MAF: variants seen among roughly 807,000 people sequenced by gnomAD.
MAF encodes MAF bZIP transcription factor.
In MAF, 10 loss-of-function variants were observed where a neutral mutation model predicts 22.0. The ratio of observed to expected loss-of-function variants is 0.45; its 90% CI spans 0.28 to 0.77. MAF has a LOEUF of 0.77. Among genes scored for constraint, MAF ranks in the 30% least tolerant of loss-of-function variants. MAF has a pLI of 0.12. For synonymous variants in MAF, 337 were observed against 255.8 expected, an observed-to-expected ratio of 1.32 and a Z score of -3.03; for missense variants, 544 against 548.4, an observed-to-expected ratio of 0.99 and a Z score of 0.08.
chr16:79,559,826 G>C, the MAF span, among the ~76,000 whole-genome samples: 1 of 152,182 alleles, frequency 6.6e-6, no homozygotes, highest in Admixed American at 6.5e-5. Flanking sequence ...ATAAAACAAA[G>C]CATGGATGCT....
chr16:79,231,329 T>G, the MAF span, among the ~76,000 whole-genome samples: 1 of 152,070 alleles, frequency 6.6e-6, no homozygotes, highest in African/African-American at 2.4e-5. Context: ...GGGGTAAAAC[T>G]GGAAATGAGC....
chr16:79,244,163 G>C, the MAF span, among the ~76,000 whole-genome samples: 2 of 152,028 alleles, frequency 1.3e-5, no homozygotes, highest in African/African-American at 4.8e-5. Flanking sequence ...CACAAGACAA[G>C]GATGACCTCT....
the MAF span, among the ~76,000 whole-genome samples, chr16:79,555,539 A>C: frequency 1.2e-4 from 19 of 152,286 alleles, no homozygotes; most frequent in African/African-American, 4.6e-4. Context: ...TTAACTACAC[A>C]GTGGAAAGAT....
At chr16:79,386,298 A>G in the MAF span, among the ~76,000 whole-genome samples, 6 of 152,204 alleles carry the variant, frequency 3.9e-5, no homozygotes, top group Admixed American at 3.9e-4. Context: ...TCTTCCTGCA[A>G]TTAGTGGGTT....
the MAF span, among the ~76,000 whole-genome samples, chr16:79,489,830 G>C: frequency 2.6e-5 from 4 of 152,178 alleles, no homozygotes; most frequent in Admixed American, 2.0e-4. Context: ...GTGAAACGCA[G>C]CCAGCTTAGC....
At chr16:79,506,601 C>A in the MAF span, among the ~76,000 whole-genome samples, 1 of 152,022 alleles carries the variant, frequency 6.6e-6, no homozygotes, top group Non-Finnish European at 1.5e-5. Context: ...AGAAGAGGGG[C>A]CAGAGAGGAA....
At chr16:79,531,160 G>C in the MAF span, among the ~76,000 whole-genome samples, 1 of 152,204 alleles carries the variant, frequency 6.6e-6, no homozygotes, top group Non-Finnish European at 1.5e-5. Flanking sequence ...TGTTGCTAGA[G>C]CTTGTATAAG....
At chr16:79,467,937 C>T in the MAF span, among the ~76,000 whole-genome samples, 3 of 150,354 alleles carry the variant, frequency 2.0e-5, no homozygotes, top group Non-Finnish European at 4.4e-5. Flanking sequence ...GGGTGGTGGT[C>T]GTGGGGGGGT....
chr16:79,513,422 T>C, the MAF span, among the ~76,000 whole-genome samples: 1 of 152,198 alleles, frequency 6.6e-6, no homozygotes, highest in Non-Finnish European at 1.5e-5. Flanking sequence ...GTCATGAGGA[T>C]TTGAGATAAT....
chr16:79,513,194 C>A, the MAF span, among the ~76,000 whole-genome samples: 2 of 152,258 alleles, frequency 1.3e-5, no homozygotes, highest in African/African-American at 4.8e-5. Context: ...CAGCCCCTTG[C>A]TCCAGGCATC....
chr16:79,598,667 G>A (rs1380095285), intron 1 of MAF, 118 bp downstream of exon 1: 12 of 1,545,144 alleles, frequency 7.8e-6, no homozygotes, highest in Admixed American at 1.9e-5. Context: ...AACTCGGTGG[G>A]GGTGGGGGTG....
At chr16:79,581,853 C>T (rs1170885245), downstream of MAF, among the ~76,000 whole-genome samples, 1 of 152,210 alleles carries the variant, frequency 6.6e-6, no homozygotes, top group African/African-American at 2.4e-5. Flanking sequence ...CCTGAGGTCA[C>T]TGCTCGGTGG....
the MAF span, among the ~76,000 whole-genome samples, chr16:79,465,560 A>C: frequency 6.6e-6 from 1 of 152,214 alleles, no homozygotes; most frequent in Non-Finnish European, 1.5e-5. Context: ...TGATCGCACC[A>C]CCACACTCCA....
chr16:79,427,117 G>A, the MAF span, among the ~76,000 whole-genome samples: 175 of 152,346 alleles, frequency 1.1e-3, no homozygotes, highest in African/African-American at 4.0e-3. Flanking sequence ...ACGTGATAAT[G>A]AGTAGGAAAC....
the MAF span, among the ~76,000 whole-genome samples, chr16:79,523,068 T>C: frequency 6.6e-6 from 1 of 152,194 alleles, no homozygotes; most frequent in Non-Finnish European, 1.5e-5. Context: ...TTTTACCCTC[T>C]AGGTATTTCT....
chr16:79,523,612 C>A, the MAF span, among the ~76,000 whole-genome samples: 3 of 152,108 alleles, frequency 2.0e-5, no homozygotes, highest in Non-Finnish European at 4.4e-5. Context: ...CAGATGAGTA[C>A]ACGAAGAATT....
At chr16:79,371,378 G>A in the MAF span, among the ~76,000 whole-genome samples, 4 of 152,174 alleles carry the variant, frequency 2.6e-5, no homozygotes, top group African/African-American at 9.7e-5. Context: ...AGATTCAAGA[G>A]CAGGGGACAC....
chr16:79,241,880 G>A, the MAF span, among the ~76,000 whole-genome samples: 1 of 151,992 alleles, frequency 6.6e-6, no homozygotes, highest in Non-Finnish European at 1.5e-5. Context: ...GAGAGTGGGG[G>A]CCAATATTCA....
downstream of MAF, among the ~76,000 whole-genome samples, chr16:79,583,270 C>A (rs115723473): frequency 2.0e-5 from 3 of 152,166 alleles, no homozygotes; most frequent in Non-Finnish European, 4.4e-5. Context: ...AATCATAAAG[C>A]CTTCCTTACG....
Sources: gnomAD v4.1 joint callset for allele counts (sites outside exome capture counted in the v4.1 genomes callset) on GRCh38, gnomAD v4.1.1 for gene constraint, MANE v1.5 for transcripts, NCBI Gene and HGNC (gene_info 2026-07-23, HGNC 2026-07-21) for gene names.